Variants in ADARB2 observed in about 807,000 individuals in gnomAD.
ADARB2 encodes the protein inactive double-stranded RNA-specific editase B2.
ADARB2 carries 25 observed loss-of-function variants against 62.2 expected under a neutral mutation model. That is an observed-to-expected ratio of 0.40 (90% CI 0.29 to 0.56). The LOEUF is 0.56. Among genes scored for constraint, ADARB2 ranks in the 20% least tolerant of loss-of-function variants. ADARB2 has a pLI of 0.43. For missense variants in ADARB2, 1,071 were observed against 1,077.4 expected (o/e 0.99, Z 0.08); for synonymous variants, 572 against 500.8 (o/e 1.14, Z -1.90).
intron 1 of ADARB2, among the ~76,000 whole-genome samples, chr10:1,593,549 T>C (rs183042067): frequency 7.0e-4 from 107 of 152,390 alleles, no homozygotes; most frequent in Non-Finnish European, 1.3e-3. Flanking sequence ...AAAATTTAAA[T>C]TCCTCAAGTA....
At chr10:1,376,403 C>T (rs964757359) in intron 2 of ADARB2, among the ~76,000 whole-genome samples, 1 of 152,184 alleles carries the variant, frequency 6.6e-6, no homozygotes, top group Non-Finnish European at 1.5e-5. Context: ...TGTTCACAGC[C>T]CAAGGCAGCT....
intron 3 of ADARB2, among the ~76,000 whole-genome samples, chr10:1,293,511 G>A (rs550569961): frequency 3.9e-5 from 6 of 152,262 alleles, no homozygotes; most frequent in African/African-American, 1.4e-4. Context: ...TGAGCATCTC[G>A]ATTTTTCTTT....
chr10:1,364,909 G>A (rs941372003), intron 2 of ADARB2, among the ~76,000 whole-genome samples: 10 of 137,780 alleles, frequency 7.3e-5, no homozygotes, highest in African/African-American at 2.7e-4. Flanking sequence ...ATCTCACTCT[G>A]TTGCCCAGGC....
At chr10:1,194,750 C>T (rs1438753809) in intron 8 of ADARB2, among the ~76,000 whole-genome samples, 3 of 151,992 alleles carry the variant, frequency 2.0e-5, no homozygotes, top group Non-Finnish European at 4.4e-5. Context: ...CTGTTTTTTT[C>T]TGAGCTTTCA....
At chr10:1,556,124 T>C (rs1181603250) in intron 1 of ADARB2, among the ~76,000 whole-genome samples, 1 of 152,060 alleles carries the variant, frequency 6.6e-6, no homozygotes, top group African/African-American at 2.4e-5. Flanking sequence ...GATGCTCAAG[T>C]GACGAAATTC....
intron 1 of ADARB2, among the ~76,000 whole-genome samples, chr10:1,392,058 G>T (rs1427574208): frequency 1.3e-5 from 2 of 152,106 alleles, no homozygotes; most frequent in Non-Finnish European, 2.9e-5. Flanking sequence ...GAGCCCCCGT[G>T]CCTGGTCAGA....
chr10:1,602,835 G>A (rs968007074), intron 1 of ADARB2, among the ~76,000 whole-genome samples: 3 of 150,738 alleles, frequency 2.0e-5, no homozygotes, highest in African/African-American at 7.3e-5. Context: ...ATGCACATCT[G>A]TACATACACA....
At chr10:1,636,526 G>C (rs193254765) in intron 1 of ADARB2, among the ~76,000 whole-genome samples, 9 of 152,108 alleles carry the variant, frequency 5.9e-5, no homozygotes, top group African/African-American at 2.2e-4. Flanking sequence ...AAAACCAAAA[G>C]AAATGGTGCC....
chr10:1,660,918 T>G (rs1255420448), intron 1 of ADARB2, among the ~76,000 whole-genome samples: 1 of 152,170 alleles, frequency 6.6e-6, no homozygotes, highest in Non-Finnish European at 1.5e-5. Context: ...ATCAGCCTAA[T>G]GGCTAATGTC....
At chr10:1,492,011 G>C (rs548078210) in intron 1 of ADARB2, among the ~76,000 whole-genome samples, 100 of 152,214 alleles carry the variant, frequency 6.6e-4, no homozygotes, top group Non-Finnish European at 2.1e-4. Flanking sequence ...TTGTTGATAA[G>C]ATCATTTTTG....
At chr10:1,635,486 C>A (rs540201085) in intron 1 of ADARB2, among the ~76,000 whole-genome samples, 1 of 152,302 alleles carries the variant, frequency 6.6e-6, no homozygotes, top group Admixed American at 6.5e-5. Context: ...GAAGACCAAA[C>A]CCAACAGGTC....
rs183764197 is a variant in ADARB2, at chr10:1,558,290, C to G, written c.100+178761G>C. On this transcript the variant is annotated intron_variant, in intron 1 of 9. Coordinates refer to ENST00000381312, the MANE Select transcript of ADARB2 (RefSeq NM_018702.4). ...AAATCCACATCCCACCTCTGTCCCC[C>G]CTCCGTGGGTGCTCAGCCCCCACGC... 1.6e-3 allele frequency among the ~76,000 whole-genome samples: 235 copies of G among 145,346 alleles called. 1 individual carries two copies. The highest frequency in any genetic ancestry group is 4.9e-3 in the African/African-American group (194 of 39,264).
chr10:1,294,385 C>G (rs1345122466), intron 3 of ADARB2, among the ~76,000 whole-genome samples: 2 of 152,134 alleles, frequency 1.3e-5, no homozygotes, highest in Non-Finnish European at 1.5e-5. Context: ...CCTCACTTAC[C>G]CATCTTCAGT....
intron 1 of ADARB2, among the ~76,000 whole-genome samples, chr10:1,571,595 C>A (rs1156332944): frequency 6.6e-6 from 1 of 152,218 alleles, no homozygotes; most frequent in Admixed American, 6.5e-5. Context: ...TTCATCTCCC[C>A]TTTCATTTAG....
intron 3 of ADARB2, among the ~76,000 whole-genome samples, chr10:1,339,324 G>A (rs1277674266): frequency 6.6e-6 from 1 of 152,236 alleles, no homozygotes; most frequent in African/African-American, 2.4e-5. Context: ...GCATTGACCC[G>A]AAGTCTACGG....
intron 1 of ADARB2, among the ~76,000 whole-genome samples, chr10:1,417,930 G>A (rs1222988093): frequency 2.6e-5 from 4 of 152,212 alleles, no homozygotes; most frequent in Non-Finnish European, 4.4e-5. Flanking sequence ...GGAAAATGGC[G>A]GACAGAGATC....
chr10:1,733,287 C>G (rs1045850451), intron 1 of ADARB2, among the ~76,000 whole-genome samples: 1 of 152,206 alleles, frequency 6.6e-6, no homozygotes, highest in Non-Finnish European at 1.5e-5. Flanking sequence ...TGCCTTGAAA[C>G]AGCCTTTTTC....
intron 1 of ADARB2, among the ~76,000 whole-genome samples, chr10:1,441,674 T>C (rs1830908643): frequency 6.6e-6 from 1 of 152,244 alleles, no homozygotes; most frequent in South Asian, 2.1e-4. Flanking sequence ...TGACAATCTA[T>C]TAATGTTGTA....
intron 1 of ADARB2, among the ~76,000 whole-genome samples, chr10:1,516,772 G>C (rs1441705603): frequency 1.3e-5 from 2 of 152,240 alleles, no homozygotes; most frequent in African/African-American, 4.8e-5. Context: ...GTTAAAGTAT[G>C]AGGATAATCG....
Sources: gnomAD v4.1 joint callset for allele counts (sites outside exome capture counted in the v4.1 genomes callset) on GRCh38, gnomAD v4.1.1 for gene constraint, MANE v1.5 for transcripts, NCBI Gene and HGNC (gene_info 2026-07-23, HGNC 2026-07-21) for gene names.